The following SLC25A21 variants were observed in gnomAD, a reference collection of about 807,000 sequenced individuals.
SLC25A21 encodes solute carrier family 25 member 21.
In SLC25A21, 47 loss-of-function variants were observed where a neutral mutation model predicts 43.8. The observed-to-expected ratio is 1.07, with a 90% CI of 0.85 to 1.37. SLC25A21 has a LOEUF of 1.37. Among genes scored for constraint, SLC25A21 ranks in the 40% most tolerant of loss-of-function variants. The pLI is 0.00. For synonymous variants in SLC25A21, 131 were observed against 121.3 expected, an observed-to-expected ratio of 1.08 and a Z score of -0.52; for missense variants, 352 against 350.2, an observed-to-expected ratio of 1.00 and a Z score of -0.04.
At chr14:36,781,167 C>T (rs993760514) in intron 3 of SLC25A21, among the ~76,000 whole-genome samples, 7 of 152,066 alleles carry the variant, frequency 4.6e-5, no homozygotes, top group Admixed American at 6.6e-5. Flanking sequence ...TTTCCATTTG[C>T]GTGTTATAAC....
chr14:36,849,283 G>A (rs528419040), intron 2 of SLC25A21, among the ~76,000 whole-genome samples: 9 of 152,158 alleles, frequency 5.9e-5, no homozygotes, highest in Non-Finnish European at 1.0e-4. Flanking sequence ...CGCTTGATAC[G>A]AAGAGGACTT....
intron 3 of SLC25A21, among the ~76,000 whole-genome samples, chr14:36,747,305 G>C (rs1293342266): frequency 6.6e-6 from 1 of 152,080 alleles, no homozygotes; most frequent in Non-Finnish European, 1.5e-5. Context: ...TTAAATTTTG[G>C]CTCAACCACA....
chr14:36,965,292 C>T (rs1959587136), intron 1 of SLC25A21, among the ~76,000 whole-genome samples: 1 of 152,008 alleles, frequency 6.6e-6, no homozygotes. Context: ...TATGCAATTC[C>T]ACAAGTACAT....
At chr14:36,691,806 C>T (rs1882805914) in intron 7 of SLC25A21, among the ~76,000 whole-genome samples, 1 of 152,188 alleles carries the variant, frequency 6.6e-6, no homozygotes, top group African/African-American at 2.4e-5. Flanking sequence ...ATTATTTCCT[C>T]ATCTATGGAT....
At chr14:37,074,223 C>T (rs1962232198) in intron 1 of SLC25A21, among the ~76,000 whole-genome samples, 1 of 150,846 alleles carries the variant, frequency 6.6e-6, no homozygotes, top group Admixed American at 6.6e-5. Flanking sequence ...AAAAAAAAAC[C>T]TCTGTTTTTA....
At chr14:37,021,050 T>A (rs1960974955) in intron 1 of SLC25A21, among the ~76,000 whole-genome samples, 1 of 151,972 alleles carries the variant, frequency 6.6e-6, no homozygotes, top group African/African-American at 2.4e-5. Context: ...ACTGGCAATG[T>A]ATTTAGGACA....
Position 36,679,148 on chromosome 14 carries a change from G to A in SLC25A21, c.*1510C>T. Reference sequence around the variant, plus strand: ...AGAATATTACCTGCAAGGATAGAATGCAGTTGTGCAACAGAGACACATTCT... The same window carrying A: ...AGAATATTACCTGCAAGGATAGAATACAGTTGTGCAACAGAGACACATTCT... On this transcript the variant is annotated 3_prime_UTR_variant, in exon 10 of 10. Transcript: ENST00000331299. 1.0e-5 allele frequency: 10 copies of A among 985,344 alleles called. No homozygotes were observed. The highest frequency in any genetic ancestry group is 1.2e-5 in the Non-Finnish European group (10 of 829,896). 61.0% of individuals were successfully genotyped at this position (985,344 alleles called of 1,614,324 possible). A position where few individuals can be genotyped will look rare whatever the true frequency, so the allele number is the denominator to read the frequency against.
intron 2 of SLC25A21, among the ~76,000 whole-genome samples, chr14:36,872,114 T>C (rs986459960): frequency 2.2e-4 from 33 of 152,328 alleles, no homozygotes; most frequent in African/African-American, 7.9e-4. Context: ...TGGAGGATTA[T>C]CATCATAAAT....
At chr14:36,849,878 C>T (rs1241292181) in intron 2 of SLC25A21, among the ~76,000 whole-genome samples, 1 of 152,134 alleles carries the variant, frequency 6.6e-6, no homozygotes, top group Non-Finnish European at 1.5e-5. Flanking sequence ...CTTTTAGTTA[C>T]TCATTAACTC....
intron 1 of SLC25A21, among the ~76,000 whole-genome samples, chr14:37,052,641 C>CT (rs200176030): frequency 8.6e-6 from 1 of 116,090 alleles, no homozygotes; most frequent in Admixed American, 7.6e-5. Flanking sequence ...TCAACATAAA[C>CT]TTTTTTTTTC....
chr14:36,961,487 G>T (rs1959491783), intron 1 of SLC25A21, among the ~76,000 whole-genome samples: 1 of 152,170 alleles, frequency 6.6e-6, no homozygotes, highest in Non-Finnish European at 1.5e-5. Flanking sequence ...TCGCGAGAAA[G>T]TGACCACTAT....
chr14:37,158,896 C>G (rs773054792), intron 1 of SLC25A21, among the ~76,000 whole-genome samples: 2 of 151,932 alleles, frequency 1.3e-5, no homozygotes, highest in Non-Finnish European at 2.9e-5. Context: ...TTTCAGGATA[C>G]AAAACCAACA....
chr14:37,018,713 A>G (rs1245781001), intron 1 of SLC25A21, among the ~76,000 whole-genome samples: 2 of 151,946 alleles, frequency 1.3e-5, no homozygotes, highest in Non-Finnish European at 2.9e-5. Context: ...TTTTTAAAAC[A>G]CAATTTGGAG....
chr14:36,799,490 A>T (rs1193746185), intron 3 of SLC25A21, among the ~76,000 whole-genome samples: 1 of 152,184 alleles, frequency 6.6e-6, no homozygotes, highest in Non-Finnish European at 1.5e-5. Flanking sequence ...CTGAAGAAAC[A>T]TTTGAAAAAA....
At chr14:36,891,734 A>C (rs1891077556) in intron 1 of SLC25A21, among the ~76,000 whole-genome samples, 1 of 152,004 alleles carries the variant, frequency 6.6e-6, no homozygotes, top group Non-Finnish European at 1.5e-5. Flanking sequence ...TGGATAGGAG[A>C]GGCAGAGCGC....
chr14:37,091,592 T>TCAC (rs1257083981), intron 1 of SLC25A21, among the ~76,000 whole-genome samples: 1 of 152,148 alleles, frequency 6.6e-6, no homozygotes, highest in Non-Finnish European at 1.5e-5. Context: ...AGGCAGAGTA[T>TCAC]CACCTTGTTC....
Position 36,680,066 on chromosome 14 carries a change from T to C in SLC25A21, c.*592A>G. On this transcript the variant is annotated 3_prime_UTR_variant, in exon 10 of 10. Coordinates refer to ENST00000331299, the MANE Select transcript of SLC25A21 (RefSeq NM_030631.4). ...GAAAATAGAGCTGATATGTGCATAGTTACTAAAAAAAACCAACAGATTTAC... is the reference window on the plus strand; with the variant it reads ...GAAAATAGAGCTGATATGTGCATAGCTACTAAAAAAAACCAACAGATTTAC... 2.3e-6 allele frequency: 2 copies of C among 868,896 alleles called. No homozygotes were observed. Among genetic ancestry groups the C allele is most frequent in the Non-Finnish European group, 2.8e-6 (2 of 724,696 alleles). The allele number at this position is 868,896 out of a possible 1,614,324, so 53.8% of individuals were successfully genotyped here. A position where few individuals can be genotyped will look rare whatever the true frequency, so the allele number is the denominator to read the frequency against.
intron 1 of SLC25A21, among the ~76,000 whole-genome samples, chr14:36,975,503 T>C (rs17178024): frequency 0.09 from 13,731 of 152,316 alleles, 829 homozygotes; most frequent in Non-Finnish European, 0.14. Context: ...GACATTTCAT[T>C]TGCATATTTG....
intron 1 of SLC25A21, among the ~76,000 whole-genome samples, chr14:36,888,662 A>G (rs1890992679): frequency 6.6e-6 from 1 of 152,132 alleles, no homozygotes; most frequent in Non-Finnish European, 1.5e-5. Flanking sequence ...GAAAGAGGAA[A>G]TGTTGCTTCA....
Sources: allele counts gnomAD v4.1 joint callset (sites outside exome capture counted in the v4.1 genomes callset), GRCh38; gene constraint gnomAD v4.1.1; transcripts MANE v1.5; gene names NCBI Gene and HGNC (gene_info 2026-07-23, HGNC 2026-07-21).